The following APOLD1 variants were observed in gnomAD, a reference collection of about 807,000 sequenced individuals.
APOLD1 encodes apolipoprotein L domain containing 1, also known as apolipoprotein L domain-containing protein 1.
Under a neutral mutation model 15.3 loss-of-function variants are expected in APOLD1, and 22 were observed. The ratio of observed to expected loss-of-function variants is 1.44; its 90% confidence interval spans 1.03 to 2.05. The LOEUF is 2.05. Ranked by LOEUF, APOLD1 falls within the 30% of genes most tolerant of loss-of-function variation. APOLD1 has a pLI of 0.00. For missense variants in APOLD1, 394 were observed against 353.5 expected, an observed-to-expected ratio of 1.11 and a Z score of -0.92; for synonymous variants, 190 against 167.4, an observed-to-expected ratio of 1.13 and a Z score of -1.04.
chr12:12,737,939 G>C (rs1337103172), intron 1 of APOLD1, among the ~76,000 whole-genome samples: 2 of 152,192 alleles, frequency 1.3e-5, no homozygotes, highest in African/African-American at 4.8e-5. Context: ...ACAATAATGA[G>C]TGCCTACTAT....
chr12:12,779,502 T>C (rs1043592005), intron 1 of APOLD1, among the ~76,000 whole-genome samples: 2 of 152,174 alleles, frequency 1.3e-5, no homozygotes, highest in African/African-American at 4.8e-5. Context: ...GCATTATAAA[T>C]GGGTTCTTCT....
intron 1 of APOLD1, among the ~76,000 whole-genome samples, chr12:12,769,405 T>C (rs7300798): frequency 0.45 from 67,622 of 151,918 alleles, 17,073 homozygotes; most frequent in African/African-American, 0.7. Flanking sequence ...GGAGCAGAAA[T>C]CTTCATGGGA....
intron 1 of APOLD1, among the ~76,000 whole-genome samples, chr12:12,738,382 A>T (rs1946706079): frequency 6.6e-6 from 1 of 151,340 alleles, no homozygotes; most frequent in African/African-American, 2.4e-5. Flanking sequence ...CTAATTTTAA[A>T]TTTTTTAGAG....
At chr12:12,767,202 C>A (rs555907313) in intron 1 of APOLD1, among the ~76,000 whole-genome samples, 1 of 152,068 alleles carries the variant, frequency 6.6e-6, no homozygotes, top group Non-Finnish European at 1.5e-5. Flanking sequence ...GCCAAGACCA[C>A]GCCAGTGCAC....
At chr12:12,777,615 T>TA (rs1430018467) in intron 1 of APOLD1, among the ~76,000 whole-genome samples, 4 of 152,172 alleles carry the variant, frequency 2.6e-5, no homozygotes, top group African/African-American at 9.7e-5. Flanking sequence ...CATCCCTAAT[T>TA]AAAAAATCTG....
intron 1 of APOLD1, among the ~76,000 whole-genome samples, chr12:12,736,278 G>T (rs770420462): frequency 4.6e-5 from 7 of 152,172 alleles, no homozygotes; most frequent in Non-Finnish European, 1.0e-4. Context: ...TTGAACCCAG[G>T]AGGAGGAGGT....
chr12:12,746,410 C>T (rs935358894), intron 1 of APOLD1, among the ~76,000 whole-genome samples: 5 of 152,104 alleles, frequency 3.3e-5, no homozygotes, highest in Non-Finnish European at 5.9e-5. Flanking sequence ...GCAGGAGAAT[C>T]GCTTGAACCT....
intron 1 of APOLD1, among the ~76,000 whole-genome samples, chr12:12,764,040 G>C (rs1946924957): frequency 2.0e-5 from 3 of 151,854 alleles, no homozygotes; most frequent in Admixed American, 2.0e-4. Context: ...TCGGCTCACT[G>C]CAACCTCTGC....
chr12:12,733,264 G>A (rs1027127858), intron 1 of APOLD1, among the ~76,000 whole-genome samples: 2 of 151,604 alleles, frequency 1.3e-5, no homozygotes, highest in Non-Finnish European at 3.0e-5. Flanking sequence ...GGTCTAGACT[G>A]CAGTGAGCTG....
At chr12:12,783,459 C>T (rs781409377), upstream of APOLD1, among the ~76,000 whole-genome samples, 10 of 150,658 alleles carry the variant, frequency 6.6e-5, no homozygotes, top group Admixed American at 1.3e-4. Context: ...TACAGGAGCA[C>T]GCCACCACAC....
chr12:12,744,674 A>G (rs1565428221), intron 1 of APOLD1, among the ~76,000 whole-genome samples: 1 of 152,196 alleles, frequency 6.6e-6, no homozygotes, highest in Non-Finnish European at 1.5e-5. Context: ...GGAATTGGAC[A>G]CTGCCGCTGG....
At chr12:12,781,217 T>C (rs1947077134), upstream of APOLD1, among the ~76,000 whole-genome samples, 10 of 152,082 alleles carry the variant, frequency 6.6e-5, no homozygotes, top group Admixed American at 6.6e-4. Context: ...CCGAGGCGTG[T>C]GGATCACCTG....
chr12:12,746,622 A>G (rs988418815), intron 1 of APOLD1, among the ~76,000 whole-genome samples: 2 of 152,222 alleles, frequency 1.3e-5, no homozygotes, highest in Admixed American at 6.5e-5. Context: ...ATTGGAAAAC[A>G]TGGGAAAACA....
chr12:12,786,870 C>T (rs1947129108), intron 1 of APOLD1, 39 bp from the exon 2 acceptor site: 2 of 1,380,916 alleles, frequency 1.4e-6, no homozygotes, highest in South Asian at 1.7e-5. Context: ...GCGGCTGGCA[C>T]GGAGACTCCA....
chr12:12,786,997 T>A lies in APOLD1; in HGVS notation c.92T>A (p.Leu31Gln), dbSNP rs1484984085. ...CTGCTGCTGGACCGCCGAGGCCGGCTGCACGGCCAGGTGCTGCGCCTGCGC... is the reference window on the plus strand; with the variant it reads ...CTGCTGCTGGACCGCCGAGGCCGGCAGCACGGCCAGGTGCTGCGCCTGCGC... Reference protein sequence around the residue: ...QGLLLDRRGRLHGQVLRLREV... With the variant: ...QGLLLDRRGRQHGQVLRLREV... Residue 31 changes from leucine to glutamine, a missense_variant, in exon 2 of 2, where the codon CTG becomes CAG. Coordinates refer to ENST00000356591, the MANE Select transcript of APOLD1 (RefSeq NM_030817.3). 5 of 1,418,796 alleles carry A rather than the reference T, an allele frequency of 3.5e-6. No homozygotes were observed. The highest frequency in any genetic ancestry group is 4.6e-6 in the Non-Finnish European group (5 of 1,097,950). 87.9% of individuals were successfully genotyped at this position (1,418,796 alleles called of 1,614,324 possible).
intron 1 of APOLD1, among the ~76,000 whole-genome samples, chr12:12,779,161 T>C (rs1403725144): frequency 3.3e-5 from 5 of 152,206 alleles, no homozygotes; most frequent in African/African-American, 1.2e-4. Context: ...ACTCTCAAGA[T>C]TCAGCTCAAT....
At chr12:12,738,270 A>G (rs1946705304) in intron 1 of APOLD1, among the ~76,000 whole-genome samples, 1 of 141,108 alleles carries the variant, frequency 7.1e-6, no homozygotes, top group Non-Finnish European at 1.5e-5. Context: ...GTGCAGTGGC[A>G]TGATCATGGC....
intron 1 of APOLD1, among the ~76,000 whole-genome samples, chr12:12,745,935 G>T (rs1946761834): frequency 6.6e-6 from 1 of 152,120 alleles, no homozygotes; most frequent in South Asian, 2.1e-4. Flanking sequence ...GGATCAGGAA[G>T]AGGGCATTTA....
intron 1 of APOLD1, among the ~76,000 whole-genome samples, chr12:12,766,123 T>C (rs1445436925): frequency 6.6e-6 from 1 of 152,170 alleles, no homozygotes; most frequent in East Asian, 1.9e-4. Flanking sequence ...AAACAAACTT[T>C]CTCTGCTCTT....
Sources: gnomAD v4.1 joint callset for allele counts (sites outside exome capture counted in the v4.1 genomes callset) on GRCh38, gnomAD v4.1.1 for gene constraint, MANE v1.5 for transcripts, NCBI Gene and HGNC (gene_info 2026-07-23, HGNC 2026-07-21) for gene names.